The following SNTG1 variants were observed in gnomAD, a reference collection of about 807,000 sequenced individuals.
SNTG1 encodes the protein gamma-1-syntrophin.
Under a neutral mutation model 74.7 loss-of-function variants are expected in SNTG1, and 39 were observed. The observed-to-expected ratio is 0.52, with a 90% CI of 0.40 to 0.68. The LOEUF (loss-of-function observed/expected upper bound fraction) is 0.68, where lower values mean the gene tolerates loss of function less well. SNTG1 is among the 30% of genes least tolerant of loss of function. SNTG1 has a pLI of 0.00. For missense variants in SNTG1, 685 were observed against 609.5 expected (o/e 1.12, Z -1.30); for synonymous variants, 254 against 217.1 (o/e 1.17, Z -1.49).
intron 2 of SNTG1, among the ~76,000 whole-genome samples, chr8:50,266,722 A>T (rs2087498702): frequency 3.9e-5 from 1 of 25,320 alleles, no homozygotes; most frequent in African/African-American, 4.8e-5. Context: ...TGTTAATAAG[A>T]AATTAAATAA....
At chr8:50,618,779 T>C (rs1399581348) in intron 13 of SNTG1, among the ~76,000 whole-genome samples, 1 of 152,104 alleles carries the variant, frequency 6.6e-6, no homozygotes, top group Non-Finnish European at 1.5e-5. Context: ...CCCTCAATTC[T>C]CTGTCATGGG....
chr8:50,691,212 T>A (rs1293841094), intron 15 of SNTG1, among the ~76,000 whole-genome samples: 1 of 152,196 alleles, frequency 6.6e-6, no homozygotes, highest in Admixed American at 6.5e-5. Context: ...AATTTGCCAG[T>A]CTGTGTCTTT....
intron 2 of SNTG1, among the ~76,000 whole-genome samples, chr8:50,251,817 TTAA>T (rs1179852292): frequency 1.3e-5 from 2 of 152,096 alleles, no homozygotes; most frequent in African/African-American, 2.4e-5. Flanking sequence ...AGACAGAACA[TTAA>T]TAAAGAAACA....
At chr8:50,162,386 C>T (rs1436409842) in intron 1 of SNTG1, among the ~76,000 whole-genome samples, 2 of 151,798 alleles carry the variant, frequency 1.3e-5, no homozygotes, top group African/African-American at 4.8e-5. Flanking sequence ...CACGGTGAAA[C>T]CCCGTCTCTA....
chr8:49,928,310 A>C (rs1160580996), intron 1 of SNTG1, among the ~76,000 whole-genome samples: 2 of 151,194 alleles, frequency 1.3e-5, no homozygotes, highest in African/African-American at 4.9e-5. Context: ...CGCTCATTGC[A>C]ACCTCTGCCT....
At chr8:50,699,901 T>C (rs1350862439) in intron 15 of SNTG1, among the ~76,000 whole-genome samples, 2 of 152,206 alleles carry the variant, frequency 1.3e-5, no homozygotes, top group Non-Finnish European at 2.9e-5. Flanking sequence ...AAGCAAAGAA[T>C]TAAATATAGT....
chr8:50,589,962 A>G (rs1349235843), intron 12 of SNTG1, among the ~76,000 whole-genome samples: 2 of 152,170 alleles, frequency 1.3e-5, no homozygotes, highest in South Asian at 2.1e-4. Context: ...TTTTCTTTTT[A>G]CATTTTAAGT....
chr8:50,088,950 C>G (rs2131140958), intron 1 of SNTG1, among the ~76,000 whole-genome samples: 1 of 151,576 alleles, frequency 6.6e-6, no homozygotes, highest in Non-Finnish European at 1.5e-5. Context: ...ATGGCCAAGT[C>G]AATCCTAAGC....
chr8:50,340,440 C>A (rs1442127940), intron 2 of SNTG1, among the ~76,000 whole-genome samples: 1 of 151,958 alleles, frequency 6.6e-6, no homozygotes, highest in East Asian at 1.9e-4. Context: ...GTCAATTGAT[C>A]TTGACAAAGG....
Position 50,704,627 on chromosome 8 carries a change from C to T in SNTG1, c.1066C>T (p.Gln356Ter). The T allele has an allele frequency of 6.2e-7, 1 of 1,614,156 alleles. No individual in the cohort carries two copies. The highest frequency in any genetic ancestry group is 8.5e-7 in the Non-Finnish European group (1 of 1,180,030). The change falls in exon 16 of 19, where the codon CAG (glutamine) becomes TAG (stop). Residue 356 changes from glutamine (Q) to a stop codon, truncating the protein, a stop_gained. Transcript: ENST00000642720. LOFTEE classifies it high-confidence loss of function. ...KDSDLLDRRK[Q>*]CFTVQSESGE... ...CAGTGACCTGCTGGACCGACGGAAACAGTGCTTCACCGTGCAGTCTGAGTC... is the reference window on the plus strand; with the variant it reads ...CAGTGACCTGCTGGACCGACGGAAATAGTGCTTCACCGTGCAGTCTGAGTC...
chr8:50,445,628 G>A (rs117038857), intron 5 of SNTG1, among the ~76,000 whole-genome samples: 2,229 of 152,294 alleles, frequency 0.015, 22 homozygotes, highest in Non-Finnish European at 0.021. Flanking sequence ...GCTGAACGAT[G>A]TATGTGCGAA....
At chr8:50,576,398 A>G (rs1310188637) in intron 12 of SNTG1, among the ~76,000 whole-genome samples, 1 of 152,142 alleles carries the variant, frequency 6.6e-6, no homozygotes, top group East Asian at 1.9e-4. Flanking sequence ...ATCAAGAAAT[A>G]CGTGTTCTCT....
chr8:50,016,951 A>C (rs566042854), intron 1 of SNTG1, among the ~76,000 whole-genome samples: 11 of 152,218 alleles, frequency 7.2e-5, no homozygotes, highest in Middle Eastern at 3.4e-3. Flanking sequence ...GACATAGTTA[A>C]AGTTGTGGCA....
chr8:50,425,213 A>T (rs2131486153), intron 4 of SNTG1, among the ~76,000 whole-genome samples: 1 of 148,180 alleles, frequency 6.7e-6, no homozygotes, highest in South Asian at 2.2e-4. Context: ...AGAATATTAG[A>T]CTTTTAACAC....
rs557725888 is a variant in SNTG1 at position 50,701,660 on chromosome 8, C to G, written c.1039-2940C>G. Among the ~76,000 whole-genome samples, 10 of 143,188 alleles carry G rather than the reference C, an allele frequency of 7.0e-5. No homozygotes were observed. In the East Asian group the frequency reaches 2.0e-3, roughly 29 times the overall value. The allele number at this position is 143,188 out of a possible 152,430, so 93.9% of individuals were successfully genotyped here. Reference sequence around the variant, plus strand: ...TCTTCTTCCTCCTCTTTTTCTTCCTCTTCTTCTTCTTCCTTCTTCTTCTTC... The same window carrying G: ...TCTTCTTCCTCCTCTTTTTCTTCCTGTTCTTCTTCTTCCTTCTTCTTCTTC... On this transcript the variant is annotated intron_variant, in intron 15 of 18. Coordinates refer to ENST00000642720, the MANE Select transcript of SNTG1 (RefSeq NM_018967.5).
At chr8:50,079,830 C>T (rs535079702) in intron 1 of SNTG1, among the ~76,000 whole-genome samples, 2 of 152,062 alleles carry the variant, frequency 1.3e-5, no homozygotes, top group Admixed American at 6.6e-5. Flanking sequence ...ATCCTTTTCC[C>T]ATTGCTTGTT....
intron 4 of SNTG1, among the ~76,000 whole-genome samples, chr8:50,425,162 G>A (rs1429422583): frequency 6.6e-6 from 1 of 152,018 alleles, no homozygotes; most frequent in Non-Finnish European, 1.5e-5. Context: ...GTGGAGATAA[G>A]GGCAAAAAGG....
intron 1 of SNTG1, among the ~76,000 whole-genome samples, chr8:49,952,307 TAAAC>T (rs1465323579): frequency 6.6e-6 from 1 of 152,104 alleles, no homozygotes; most frequent in Admixed American, 6.5e-5. Flanking sequence ...GCTGTTGTGT[TAAAC>T]AACGCAAAAT....
chr8:50,467,654 T>C (rs1000100538), intron 8 of SNTG1, among the ~76,000 whole-genome samples: 1 of 151,956 alleles, frequency 6.6e-6, no homozygotes, highest in African/African-American at 2.4e-5. Flanking sequence ...ATTTCCTCTG[T>C]AGTTTTTGTT....
Sources: gnomAD v4.1 joint callset for allele counts (sites outside exome capture counted in the v4.1 genomes callset) on GRCh38, gnomAD v4.1.1 for gene constraint, MANE v1.5 for transcripts, NCBI Gene and HGNC (gene_info 2026-07-23, HGNC 2026-07-21) for gene names.